HCN1: variants seen among roughly 807,000 people sequenced by gnomAD.
The protein encoded by HCN1 is hyperpolarization activated cyclic nucleotide gated potassium channel 1.
HCN1 carries 13 observed loss-of-function variants against 78.9 expected under a neutral mutation model. The observed-to-expected ratio is 0.16, with a 90% confidence interval of 0.11 to 0.26. The LOEUF is 0.26. Among genes scored for constraint, HCN1 ranks in the 10% least tolerant of loss-of-function variants. The pLI is 1.00. For missense variants in HCN1, 810 were observed against 1,154.3 expected (o/e 0.70, Z 4.32); for synonymous variants, 552 against 455.5 (o/e 1.21, Z -2.70).
rs535888522 is a variant in HCN1 at position 45,319,573 on chromosome 5, T to A, written c.1378-15734A>T. 3.9e-5 allele frequency among the ~76,000 whole-genome samples: 6 copies of A among 151,982 alleles called. 1 individual carries two copies. The highest frequency in any genetic ancestry group is 1.4e-4 in the African/African-American group (6 of 41,544). ...TCTATGTTAAGAGTTCTTCTTATAC[T>A]CTTGACATGAGTTCTTTTTTTGGGG... On this transcript the variant is annotated intron_variant, in intron 5 of 7. Transcript: ENST00000303230.
chr5:45,479,833 C>A (rs1305711162), intron 2 of HCN1, among the ~76,000 whole-genome samples: 1 of 152,136 alleles, frequency 6.6e-6, no homozygotes, highest in Admixed American at 6.5e-5. Context: ...AGCAAAAGTT[C>A]TCCTCTTTAT....
intron 2 of HCN1, among the ~76,000 whole-genome samples, chr5:45,503,260 C>G (rs1419917091): frequency 6.6e-6 from 1 of 152,034 alleles, no homozygotes; most frequent in Non-Finnish European, 1.5e-5. Context: ...AAAAACAACC[C>G]TGAATTTCAC....
At chr5:45,373,538 TAG>T (rs1747485812) in intron 4 of HCN1, among the ~76,000 whole-genome samples, 1 of 141,804 alleles carries the variant, frequency 7.1e-6, no homozygotes, top group Admixed American at 7.6e-5. Context: ...ATACATTATA[TAG>T]GTCATCTATA....
intron 6 of HCN1, among the ~76,000 whole-genome samples, chr5:45,292,141 G>A (rs1249611096): frequency 6.6e-6 from 1 of 151,836 alleles, no homozygotes; most frequent in Non-Finnish European, 1.5e-5. Context: ...AACACTCTTA[G>A]GGATATATTG....
intron 2 of HCN1, among the ~76,000 whole-genome samples, chr5:45,590,946 C>T (rs980737434): frequency 2.0e-5 from 3 of 152,128 alleles, no homozygotes; most frequent in Non-Finnish European, 4.4e-5. Context: ...ATCCTCCCAC[C>T]TCAGTCTCTC....
chr5:45,325,798 A>G (rs1311352432), intron 5 of HCN1, among the ~76,000 whole-genome samples: 2 of 151,584 alleles, frequency 1.3e-5, no homozygotes, highest in East Asian at 3.9e-4. Context: ...ATTTCCCATG[A>G]TTTCTCTGTC....
chr5:45,422,425 C>T (rs936736654), intron 3 of HCN1, among the ~76,000 whole-genome samples: 1 of 152,116 alleles, frequency 6.6e-6, no homozygotes, highest in East Asian at 1.9e-4. Flanking sequence ...AAAGATACTA[C>T]TTTTCTCTCC....
chr5:45,580,979 A>C (rs1317414626), intron 2 of HCN1, among the ~76,000 whole-genome samples: 1 of 152,180 alleles, frequency 6.6e-6, no homozygotes, highest in African/African-American at 2.4e-5. Context: ...GCTATTGTGA[A>C]TAGTGCCACA....
At chr5:45,611,374 C>A (rs1391486162) in intron 2 of HCN1, among the ~76,000 whole-genome samples, 1 of 148,154 alleles carries the variant, frequency 6.7e-6, no homozygotes, top group Non-Finnish European at 1.5e-5. Flanking sequence ...CGGGTTCAAG[C>A]AATTCTTCTG....
At chr5:45,411,514 G>A (rs913803008) in intron 3 of HCN1, among the ~76,000 whole-genome samples, 4 of 151,832 alleles carry the variant, frequency 2.6e-5, no homozygotes, top group African/African-American at 7.3e-5. Context: ...AAGCGAAGCA[G>A]GGCCCCTTTA....
At chr5:45,264,926 C>T (rs1311936966) in intron 7 of HCN1, among the ~76,000 whole-genome samples, 1 of 152,168 alleles carries the variant, frequency 6.6e-6, no homozygotes, top group East Asian at 1.9e-4. Context: ...CGCGGTGGCT[C>T]ATGCCTGTAA....
chr5:45,632,337 C>T lies in HCN1; in HGVS notation c.849+12848G>A, dbSNP rs535156806. On this transcript the variant is annotated intron_variant, in intron 2 of 7. Transcript: ENST00000303230. ...CTGATAAGGCAATTATATTTATTTT[C>T]TCCCAGTTATAAGAAAAATGACTAA... is the stretch of plus-strand genomic sequence containing the variant. Among the ~76,000 whole-genome samples the T allele has an allele frequency of 5.9e-5, 9 of 151,710 alleles. No homozygotes were observed. The East Asian group carries it at 1.7e-3, about 29-fold the overall frequency.
chr5:45,372,702 C>T (rs1004652684), intron 4 of HCN1, among the ~76,000 whole-genome samples: 14 of 138,270 alleles, frequency 1.0e-4, no homozygotes, highest in South Asian at 4.5e-4. Context: ...AAAATATATA[C>T]GTATTTATAT....
intron 6 of HCN1, among the ~76,000 whole-genome samples, chr5:45,276,925 A>G (rs1156575454): frequency 6.6e-6 from 1 of 152,058 alleles, no homozygotes; most frequent in Non-Finnish European, 1.5e-5. Context: ...ATGAAATAGT[A>G]TCATGATACA....
intron 2 of HCN1, among the ~76,000 whole-genome samples, chr5:45,631,216 G>C (rs1383196935): frequency 1.3e-5 from 2 of 152,158 alleles, no homozygotes; most frequent in Non-Finnish European, 2.9e-5. Flanking sequence ...ATGCTATTAA[G>C]CAAATTGCTT....
At position 45,255,041 on chromosome 5, in the gene HCN1, A is replaced by C. The variant is rs1156425309; in HGVS notation, c.*6880T>G. 6.6e-6 allele frequency: 1 copy of C among 152,218 alleles called. No individual in the cohort carries two copies. Among genetic ancestry groups the C allele is most frequent in the Non-Finnish European group, 1.5e-5 (1 of 68,034 alleles). 9.4% of individuals were successfully genotyped at this position (152,218 alleles called of 1,614,324 possible). A position where few individuals can be genotyped will look rare whatever the true frequency, so the allele number is the denominator to read the frequency against. ...GCAATGGACACATTGTACTGATGTGATATTAAGAAACATTGCTAGCTATGG... is the reference window on the plus strand; with the variant it reads ...GCAATGGACACATTGTACTGATGTGCTATTAAGAAACATTGCTAGCTATGG... On this transcript the variant is annotated 3_prime_UTR_variant, in exon 8 of 8. Coordinates refer to ENST00000303230, the MANE Select transcript of HCN1 (RefSeq NM_021072.4).
chr5:45,271,447 G>A (rs776179792), intron 6 of HCN1, among the ~76,000 whole-genome samples: 43 of 151,382 alleles, frequency 2.8e-4, no homozygotes, highest in Non-Finnish European at 5.0e-4. Context: ...TTTTGGTATA[G>A]TATTGGCCTG....
In HCN1 at chr5:45,259,925, C is replaced by A. The variant is rs1299092412; in HGVS notation, c.*1996G>T. 6.6e-6 allele frequency: 1 copy of A among 152,578 alleles called. No homozygotes were observed. The highest frequency in any genetic ancestry group is 1.5e-5 in the Non-Finnish European group (1 of 68,024). 9.5% of individuals were successfully genotyped at this position (152,578 alleles called of 1,614,324 possible). ...TCCCATAGGTTCTAGGTAGACTGAA[C>A]AATCCCTTTCTTACAACAGTATTCC... On this transcript the variant is annotated 3_prime_UTR_variant, in exon 8 of 8. Transcript: ENST00000303230.
At chr5:45,670,559 A>T (rs1468406651) in intron 1 of HCN1, among the ~76,000 whole-genome samples, 1 of 151,716 alleles carries the variant, frequency 6.6e-6, no homozygotes, top group Non-Finnish European at 1.5e-5. Context: ...TGCATTTTTT[A>T]ACAGGAATAA....
Sources: gnomAD v4.1 joint callset for allele counts (sites outside exome capture counted in the v4.1 genomes callset) on GRCh38, gnomAD v4.1.1 for gene constraint, MANE v1.5 for transcripts, NCBI Gene and HGNC (gene_info 2026-07-23, HGNC 2026-07-21) for gene names.